OTUD7B: variants seen among roughly 807,000 people sequenced by gnomAD.
OTUD7B encodes the protein OTU deubiquitinase 7B.
A neutral mutation model predicts 82.2 loss-of-function variants in OTUD7B; 34 were observed. That is an observed-to-expected ratio of 0.41 (90% CI 0.31 to 0.55). OTUD7B has a LOEUF of 0.55. Among genes scored for constraint, OTUD7B ranks in the 20% least tolerant of loss-of-function variants. The pLI is 0.20. For synonymous variants in OTUD7B, 398 were observed against 402.7 expected (o/e 0.99, Z 0.14); for missense variants, 944 against 1,062.1 (o/e 0.89, Z 1.55).
At chr1:150,042,422 G>A in the OTUD7B span, among the ~76,000 whole-genome samples, 5 of 151,474 alleles carry the variant, frequency 3.3e-5, no homozygotes, top group Non-Finnish European at 5.9e-5. Context: ...ATCCGCCCCC[G>A]CTCAGCCTCC....
chr1:150,037,537 T>G, the OTUD7B span, among the ~76,000 whole-genome samples: 6,728 of 152,252 alleles, frequency 0.044, 483 homozygotes, highest in African/African-American at 0.15. Context: ...AATTCAAGAC[T>G]GGTATAATCT....
Position 149,971,078 on chromosome 1 carries a change from C to G in OTUD7B, c.259G>C (p.Asp87His), listed in dbSNP as rs1649889641. Residue 87 changes from aspartate to histidine, a missense_variant, in exon 3 of 12, where the codon GAT becomes CAT. Coordinates refer to ENST00000581312, the MANE Select transcript of OTUD7B (RefSeq NM_020205.4). The part of the protein sequence containing the change: ...RPPRPILQRQ[D>H]DIVQEKRLSR... ...ACCCCAGTACCTTGAACGATGTCAT[C>G]CTGCCGCTGGAGGATGGGTCGGGGA... The G allele has an allele frequency of 1.2e-6, 2 of 1,607,476 alleles. No homozygotes were observed. The highest frequency in any genetic ancestry group is 2.7e-5 in the African/African-American group (2 of 74,792).
At chr1:149,945,120 A>G in intron 11 of OTUD7B, 55 bp from the exon 12 acceptor site, 1 of 1,567,378 alleles carries the variant, frequency 6.4e-7, no homozygotes, top group Non-Finnish European at 8.6e-7. Flanking sequence ...GGGTGGGGGA[A>G]TCCCCCAGGG....
At chr1:150,054,825 A>AAAAAAAAAAAAAAAAAAC in the OTUD7B span, 1 of 171,922 alleles carries the variant, frequency 5.8e-6, no homozygotes, top group African/African-American at 2.4e-5. Flanking sequence ...AAAAAAAAAA[A>AAAAAAAAAAAAAAAAAAC]AAAAGACGCT....
chr1:150,024,995 C>G, the OTUD7B span, among the ~76,000 whole-genome samples: 63 of 152,096 alleles, frequency 4.1e-4, no homozygotes, highest in African/African-American at 1.5e-3. Context: ...TTGCAGTGAG[C>G]TGAGATCACA....
chr1:150,054,253 A>G, the OTUD7B span: 4 of 456,506 alleles, frequency 8.8e-6, no homozygotes, highest in Non-Finnish European at 1.7e-5. Flanking sequence ...AAGGAAAAAA[A>G]CCCTTCAGTC....
chr1:150,025,223 A>C, the OTUD7B span, among the ~76,000 whole-genome samples: 1 of 152,040 alleles, frequency 6.6e-6, no homozygotes, highest in South Asian at 2.1e-4. Context: ...CGCGTTCGAG[A>C]CCAGCCTAAC....
At chr1:149,949,215 C>T in intron 9 of OTUD7B, 132 bp from the exon 10 acceptor site, 2 of 627,966 alleles carry the variant, frequency 3.2e-6, no homozygotes, top group Non-Finnish European at 5.6e-6. Context: ...CGTGAATTAC[C>T]CCGGTATTAA....
intron 1 of OTUD7B, among the ~76,000 whole-genome samples, chr1:149,987,202 T>C (rs587742800): frequency 6.6e-6 from 1 of 152,320 alleles, no homozygotes; most frequent in South Asian, 2.1e-4. Context: ...AGACCCAGGA[T>C]TTTTATCAAC....
At chr1:149,984,517 A>C (rs115839734) in intron 1 of OTUD7B, among the ~76,000 whole-genome samples, 1,697 of 152,124 alleles carry the variant, frequency 0.011, 38 homozygotes, top group African/African-American at 0.039. Flanking sequence ...CATTTCTGTG[A>C]CTGAACCAAA....
At chr1:149,957,280 T>C (rs1440353126) in intron 7 of OTUD7B, among the ~76,000 whole-genome samples, 6 of 151,762 alleles carry the variant, frequency 4.0e-5, no homozygotes, top group African/African-American at 1.2e-4. Flanking sequence ...TGCAGGTCTG[T>C]TGGAGTTTGC....
rs782076516 is a variant in OTUD7B at position 149,947,326 on chromosome 1, C to G, written c.1248G>C (p.Leu416=). The G allele has an allele frequency of 6.9e-6, 11 of 1,593,254 alleles. No homozygotes were observed. In the African/African-American group the frequency reaches 1.2e-4, roughly 18 times the overall value. ...SDNVRLASVI[L]SLEVKLHLLH... is the part of the protein sequence containing the mutation. ...GCAGATGCAATTTGACCTCTAGGGA[C>G]AGAATTACACTATGAAAAAGAGAAA... The change falls in exon 11 of 12, where the codon CTG becomes CTC. Residue 416 remains leucine, a synonymous_variant. Transcript: ENST00000581312.
chr1:150,037,033 CTG>C, the OTUD7B span, among the ~76,000 whole-genome samples: 1 of 152,132 alleles, frequency 6.6e-6, no homozygotes, highest in Admixed American at 6.5e-5. Context: ...AAAACTACAA[CTG>C]TTAATTTTTA....
chr1:150,062,429 GTTTACTAGTCATTTATT>G, the OTUD7B span, among the ~76,000 whole-genome samples: 1 of 152,106 alleles, frequency 6.6e-6, no homozygotes, highest in South Asian at 2.1e-4. Context: ...CTCTTCGAAT[GTTTACTAGTCATTTATT>G]TCATTTTCAG....
the OTUD7B span, among the ~76,000 whole-genome samples, chr1:150,056,078 C>T: frequency 6.6e-6 from 1 of 152,104 alleles, no homozygotes; most frequent in African/African-American, 2.4e-5. Flanking sequence ...AACTATTATA[C>T]TCAAGACTCC....
intron 1 of OTUD7B, among the ~76,000 whole-genome samples, chr1:150,009,332 G>A (rs587772760): frequency 6.6e-6 from 1 of 152,156 alleles, no homozygotes; most frequent in African/African-American, 2.4e-5. Context: ...CAGTCTTACC[G>A]CCACCTCTTT....
intron 1 of OTUD7B, among the ~76,000 whole-genome samples, chr1:150,002,032 A>G (rs1373508010): frequency 2.0e-5 from 3 of 152,168 alleles, no homozygotes; most frequent in South Asian, 4.1e-4. Context: ...CAAAAATCCA[A>G]TGAAAATGAA....
rs587741224 is a variant in OTUD7B, at chr1:149,944,196, G to A, written c.2193C>T (p.Pro731=). The A allele has an allele frequency of 4.3e-6, 7 of 1,613,682 alleles. No homozygotes were observed. The African/African-American group carries it at 5.3e-5, about 12-fold the overall frequency. ...VGGLPPYATF[P]RQCPPGRPYP... ...AGGGTCGCCCAGGAGGGCACTGTCT[G>A]GGGAAGGTGGCATATGGTGGTAGGC... The change falls in exon 12 of 12, where the codon CCC becomes CCT. Residue 731 remains proline, a synonymous_variant. Coordinates refer to ENST00000581312, the MANE Select transcript of OTUD7B (RefSeq NM_020205.4).
rs1256494456 is a variant in OTUD7B, at chr1:149,939,520, G to C, written c.*4337C>G. 1 of 152,230 alleles carries C rather than the reference G, an allele frequency of 6.6e-6. No homozygotes were observed. The highest frequency in any genetic ancestry group is 1.5e-5 in the Non-Finnish European group (1 of 68,056). 9.4% of individuals were successfully genotyped at this position (152,230 alleles called of 1,614,324 possible). On this transcript the variant is annotated 3_prime_UTR_variant, in exon 12 of 12. Coordinates refer to ENST00000581312, the MANE Select transcript of OTUD7B (RefSeq NM_020205.4). ...CAGATCTATAGTTGAAAGGCCTGGAGGGAAAGAAGGAAATTAGAAAAATCT... is the reference window on the plus strand; with the variant it reads ...CAGATCTATAGTTGAAAGGCCTGGACGGAAAGAAGGAAATTAGAAAAATCT...
Sources: allele counts gnomAD v4.1 joint callset (sites outside exome capture counted in the v4.1 genomes callset), GRCh38; gene constraint gnomAD v4.1.1; transcripts MANE v1.5; gene names NCBI Gene and HGNC (gene_info 2026-07-23, HGNC 2026-07-21).